The following MTR variants were observed in gnomAD, a reference collection of about 807,000 sequenced individuals.
MTR encodes methionine synthase.
MTR carries 84 observed loss-of-function variants against 154.8 expected under a neutral mutation model. The ratio of observed to expected loss-of-function variants is 0.54; its 90% CI spans 0.45 to 0.65. The LOEUF (loss-of-function observed/expected upper bound fraction) is 0.65, where lower values mean the gene tolerates loss of function less well. MTR is among the 30% of genes least tolerant of loss of function. The pLI, the probability that MTR is intolerant of heterozygous loss-of-function variation, is 0.00. For synonymous variants in MTR, 554 were observed against 553.9 expected (o/e 1.00, Z 0.00); for missense variants, 1,275 against 1,570.2 (o/e 0.81, Z 3.18).
At chr1:236,879,068 G>A (rs1665586432) in intron 24 of MTR, among the ~76,000 whole-genome samples, 2 of 152,226 alleles carry the variant, frequency 1.3e-5, no homozygotes, top group South Asian at 4.1e-4. Flanking sequence ...AGCCTTCCTT[G>A]AGAAGCCTGT....
At chr1:236,805,069 T>C (rs1052052156) in intron 2 of MTR, among the ~76,000 whole-genome samples, 3 of 152,234 alleles carry the variant, frequency 2.0e-5, no homozygotes, top group African/African-American at 7.2e-5. Flanking sequence ...ATGTTTGTTA[T>C]TGTTACTATA....
intron 15 of MTR, among the ~76,000 whole-genome samples, chr1:236,844,860 G>T (rs1460226679): frequency 2.0e-5 from 3 of 152,178 alleles, no homozygotes; most frequent in Non-Finnish European, 4.4e-5. Context: ...GGAGTGCAAA[G>T]CAGACTCACT....
chr1:236,890,370 C>T (rs544390449), intron 28 of MTR, among the ~76,000 whole-genome samples: 7 of 152,224 alleles, frequency 4.6e-5, no homozygotes, highest in South Asian at 2.1e-4. Flanking sequence ...ACTGCAGGTC[C>T]GGGAGCAGGC....
chr1:236,894,168 A>C (rs1335405210), intron 29 of MTR, among the ~76,000 whole-genome samples, 189 bp from the exon 30 acceptor site: 2 of 152,202 alleles, frequency 1.3e-5, no homozygotes, highest in Non-Finnish European at 2.9e-5. Context: ...ACAAATATTT[A>C]TTGGATACTC....
rs1457351807 is a variant in MTR at position 236,900,378 on chromosome 1, T to G, written c.*2734T>G. 1.2e-5 allele frequency: 2 copies of G among 169,734 alleles called. No individual in the cohort carries two copies. The highest frequency in any genetic ancestry group is 3.3e-4 in the East Asian group (2 of 6,022). The allele number at this position is 169,734 out of a possible 1,614,324, so 10.5% of individuals were successfully genotyped here. A position where few individuals can be genotyped will look rare whatever the true frequency, so the allele number is the denominator to read the frequency against. On this transcript the variant is annotated 3_prime_UTR_variant, in exon 33 of 33. Transcript: ENST00000366577. Reference sequence around the variant, plus strand: ...AAGCAAAACCAAAGAATATGTAGTCTAAGCATACGTATACAATAAAACTAT... The same window carrying G: ...AAGCAAAACCAAAGAATATGTAGTCGAAGCATACGTATACAATAAAACTAT...
At chr1:236,891,501 G>T (rs1400360640) in intron 29 of MTR, among the ~76,000 whole-genome samples, 172 bp downstream of exon 29, 1 of 152,164 alleles carries the variant, frequency 6.6e-6, no homozygotes, top group Non-Finnish European at 1.5e-5. Flanking sequence ...TGAGGACGAG[G>T]GAGAGAAGGC....
chr1:236,804,840 A>G (rs1457394825), intron 2 of MTR, among the ~76,000 whole-genome samples: 1 of 151,930 alleles, frequency 6.6e-6, no homozygotes, highest in Non-Finnish European at 1.5e-5. Flanking sequence ...GTGAATATAT[A>G]TATGTAGAAA....
chr1:236,825,325 T>A lies in MTR; in HGVS notation c.866-13T>A. 1 of 1,608,670 alleles carries A rather than the reference T, an allele frequency of 6.2e-7. No individual in the cohort carries two copies. The highest frequency in any genetic ancestry group is 8.5e-7 in the Non-Finnish European group (1 of 1,175,098). ...AGGCAATTTGCAATAATGGTTGAAT[T>A]ATCCTTTCTCAGGTCTTCCCAACAC... On this transcript the variant is annotated splice_polypyrimidine_tract_variant and intron_variant, in intron 9 of 32. Coordinates refer to ENST00000366577, the MANE Select transcript of MTR (RefSeq NM_000254.3).
At chr1:236,874,679 C>A in intron 23 of MTR, 47 bp from the exon 24 acceptor site, 1 of 1,454,658 alleles carries the variant, frequency 6.9e-7, no homozygotes, top group South Asian at 1.3e-5. Context: ...CTTTCATCTT[C>A]CTCACTGTCC....
rs919967960 is a variant in MTR at position 236,800,257 on chromosome 1, A to G, written c.35-3171A>G. 5.2e-5 allele frequency: 51 copies of G among 985,314 alleles called. No individual in the cohort carries two copies. The African/African-American group carries it at 8.4e-4, about 16-fold the overall frequency. 61.0% of individuals were successfully genotyped at this position (985,314 alleles called of 1,614,324 possible). On this transcript the variant is annotated intron_variant, in intron 1 of 32. Coordinates refer to ENST00000366577, the MANE Select transcript of MTR (RefSeq NM_000254.3). Reference sequence around the variant, plus strand: ...AATCATTTTGCCGATGCCAAAGGACATACTTCACTGTCTGTGGAAAAGATT... The same window carrying G: ...AATCATTTTGCCGATGCCAAAGGACGTACTTCACTGTCTGTGGAAAAGATT...
chr1:236,827,017 A>G, intron 11 of MTR, 121 bp downstream of exon 11: 1 of 875,554 alleles, frequency 1.1e-6, no homozygotes, highest in East Asian at 2.6e-5. Flanking sequence ...TTGAAGTTCT[A>G]ACCCCTACTG....
At chr1:236,849,130 G>A (rs1295380459) in intron 15 of MTR, among the ~76,000 whole-genome samples, 1 of 152,228 alleles carries the variant, frequency 6.6e-6, no homozygotes, top group African/African-American at 2.4e-5. Context: ...AATTCAGGAT[G>A]TAATTTGGTG....
chr1:236,859,801 G>T (rs750077615), intron 18 of MTR, 32 bp from the exon 19 acceptor site: 1 of 1,538,696 alleles, frequency 6.5e-7, no homozygotes, highest in Non-Finnish European at 9.0e-7. Context: ...GTGATGAGTT[G>T]TATCCATTTC....
chr1:236,846,823 G>C (rs1663603630), intron 15 of MTR, among the ~76,000 whole-genome samples: 1 of 151,454 alleles, frequency 6.6e-6, no homozygotes, highest in African/African-American at 2.4e-5. Context: ...CTTCCTACTT[G>C]TCAGTGTCTC....
chr1:236,901,518 T>C lies in MTR; in HGVS notation c.*3874T>C, dbSNP rs971803064. The C allele has an allele frequency of 3.3e-5, 5 of 152,196 alleles. No homozygotes were observed. Among genetic ancestry groups the C allele is most frequent in the African/African-American group, 1.2e-4 (5 of 41,398 alleles). The allele number at this position is 152,196 out of a possible 1,614,324, so 9.4% of individuals were successfully genotyped here. A position where few individuals can be genotyped will look rare whatever the true frequency, so the allele number is the denominator to read the frequency against. Reference sequence around the variant, plus strand: ...GTCAGTAACACCATCAACCTGGGAGTTGCCCCTGACCCCTCCAGTCTTAGC... The same window carrying C: ...GTCAGTAACACCATCAACCTGGGAGCTGCCCCTGACCCCTCCAGTCTTAGC... On this transcript the variant is annotated 3_prime_UTR_variant, in exon 33 of 33. Coordinates refer to ENST00000366577, the MANE Select transcript of MTR (RefSeq NM_000254.3).
At chr1:236,867,755 T>A (rs112395946) in intron 22 of MTR, among the ~76,000 whole-genome samples, 79 of 152,296 alleles carry the variant, frequency 5.2e-4, no homozygotes, top group Non-Finnish European at 9.8e-4. Flanking sequence ...GATTCAAGAC[T>A]TCAGTGGAGG....
intron 7 of MTR, among the ~76,000 whole-genome samples, 178 bp downstream of exon 7, chr1:236,815,841 G>T (rs1475894856): frequency 6.6e-6 from 1 of 152,060 alleles, no homozygotes; most frequent in South Asian, 2.1e-4. Context: ...CTTATATCTG[G>T]AGAGGCAAGG....
intron 10 of MTR, among the ~76,000 whole-genome samples, chr1:236,826,544 C>G (rs1050518616): frequency 8.5e-5 from 13 of 152,162 alleles, no homozygotes; most frequent in African/African-American, 3.1e-4. Flanking sequence ...GATCCTCCTG[C>G]CTTTGCCTCC....
In MTR at chr1:236,894,429, AT is replaced by A; in HGVS notation, c.3278del (p.Ile1093ThrfsTer15). On this transcript the variant is annotated frameshift_variant, in exon 30 of 33. Transcript: ENST00000366577. LOFTEE classifies it high-confidence loss of function. ...SDFIAPLHSG[I>X]RDYLGLFAVA... Reference sequence around the variant, plus strand: ...CTTCATCGCTCCCTTGCATTCTGGCATCCGTGACTACCTGGGCCTGTTTGCC... The same window carrying A: ...CTTCATCGCTCCCTTGCATTCTGGCACCGTGACTACCTGGGCCTGTTTGCC... 6.2e-7 allele frequency: 1 copy of A among 1,614,220 alleles called. No individual in the cohort carries two copies. The highest frequency in any genetic ancestry group is 1.1e-5 in the South Asian group (1 of 91,086).
Sources: gnomAD v4.1 joint callset for allele counts (sites outside exome capture counted in the v4.1 genomes callset) on GRCh38, gnomAD v4.1.1 for gene constraint, MANE v1.5 for transcripts, NCBI Gene and HGNC (gene_info 2026-07-23, HGNC 2026-07-21) for gene names.